DLGAP2: variants seen among roughly 807,000 people sequenced by gnomAD.
DLGAP2 encodes disks large-associated protein 2.
DLGAP2 carries 26 observed loss-of-function variants against 100.3 expected under a neutral mutation model. That is an observed-to-expected ratio of 0.26 (90% CI 0.19 to 0.36). The LOEUF (loss-of-function observed/expected upper bound fraction) is 0.36. Ranked by LOEUF, DLGAP2 falls within the 10% of genes least tolerant of loss-of-function variation. The pLI is 1.00. For synonymous variants in DLGAP2, 886 were observed against 630.1 expected, an observed-to-expected ratio of 1.41 and a Z score of -6.08; for missense variants, 1,858 against 1,453.2, an observed-to-expected ratio of 1.28 and a Z score of -4.53.
chr8:1,583,039 G>C (rs1795995302), intron 6 of DLGAP2, among the ~76,000 whole-genome samples: 1 of 152,186 alleles, frequency 6.6e-6, no homozygotes, highest in Non-Finnish European at 1.5e-5. Flanking sequence ...CTGAACCAGA[G>C]CTGCAAAAGT....
chr8:1,185,733 T>TCACACA (rs77585255), intron 2 of DLGAP2, among the ~76,000 whole-genome samples: 2 of 139,234 alleles, frequency 1.4e-5, no homozygotes, highest in Admixed American at 6.8e-5. Flanking sequence ...ACACTCACAC[T>TCACACA]CACACACACA....
At chr8:758,660 C>G (rs1035833969) in intron 1 of DLGAP2, among the ~76,000 whole-genome samples, 9 of 152,102 alleles carry the variant, frequency 5.9e-5, no homozygotes, top group African/African-American at 1.9e-4. Flanking sequence ...CACCTGGGCT[C>G]AGGTGATTCT....
intron 1 of DLGAP2, among the ~76,000 whole-genome samples, chr8:746,895 G>A (rs890543913): frequency 1.3e-5 from 2 of 152,220 alleles, no homozygotes; most frequent in Admixed American, 1.3e-4. Context: ...CGAGGACGGT[G>A]CCCCTGTTAG....
At position 1,586,530 on chromosome 8, in the gene DLGAP2, C is replaced by T. The variant is rs536235236; in HGVS notation, c.1442+20636C>T. ...CCTGCCTGGGTCATCAGGAGATTCT[C>T]ACTACCCCGGGGTCTGCTGGTTAGC... On this transcript the variant is annotated intron_variant, in intron 6 of 14. Transcript: ENST00000637795. 4.2e-4 allele frequency among the ~76,000 whole-genome samples: 64 copies of T among 152,352 alleles called. 1 individual carries two copies. The highest frequency in any genetic ancestry group is 4.3e-4 in the Non-Finnish European group (29 of 68,034).
chr8:1,639,305 T>C (rs2130790708), intron 8 of DLGAP2, among the ~76,000 whole-genome samples: 1 of 152,008 alleles, frequency 6.6e-6, no homozygotes, highest in South Asian at 2.1e-4. Flanking sequence ...CCAGGAGGGA[T>C]GGGGAGGGGC....
At chr8:1,201,514 C>G (rs1033211111) in intron 2 of DLGAP2, among the ~76,000 whole-genome samples, 1 of 152,206 alleles carries the variant, frequency 6.6e-6, no homozygotes, top group Admixed American at 6.5e-5. Flanking sequence ...TGTGCTTCAG[C>G]CCAGGGAGTC....
intron 13 of DLGAP2, among the ~76,000 whole-genome samples, chr8:1,694,719 C>T (rs900760176): frequency 3.3e-5 from 5 of 152,204 alleles, no homozygotes; most frequent in Admixed American, 2.6e-4. Context: ...CCACACGGGG[C>T]ACCGAAGTTC....
intron 4 of DLGAP2, 82 bp from the exon 5 acceptor site, chr8:1,548,544 A>C: frequency 7.9e-7 from 1 of 1,270,538 alleles, no homozygotes; most frequent in Non-Finnish European, 1.0e-6. Flanking sequence ...AATGAAGTCC[A>C]CGGTGGGGGT....
chr8:1,588,218 T>C (rs367820606), intron 6 of DLGAP2, among the ~76,000 whole-genome samples: 65 of 152,186 alleles, frequency 4.3e-4, no homozygotes, highest in Non-Finnish European at 6.8e-4. Context: ...AAAAAATTCA[T>C]GCAAGGCTTT....
chr8:1,161,947 CAG>C (rs1336795421), intron 2 of DLGAP2, among the ~76,000 whole-genome samples: 9 of 152,242 alleles, frequency 5.9e-5, no homozygotes, highest in Non-Finnish European at 1.3e-4. Context: ...TGTGCCAAGT[CAG>C]GGGTGCGTCA....
intron 1 of DLGAP2, among the ~76,000 whole-genome samples, chr8:896,896 A>G (rs1354487320): frequency 6.6e-6 from 1 of 152,168 alleles, no homozygotes; most frequent in Non-Finnish European, 1.5e-5. Context: ...TGTGTTTTGA[A>G]GAGTCTTCAT....
chr8:1,073,106 G>A (rs906683624), intron 2 of DLGAP2, among the ~76,000 whole-genome samples: 2 of 152,142 alleles, frequency 1.3e-5, no homozygotes, highest in African/African-American at 2.4e-5. Context: ...AGTCAGTCTC[G>A]TAGCTGTTAT....
At chr8:1,439,456 C>T (rs1797762842) in intron 3 of DLGAP2, among the ~76,000 whole-genome samples, 1 of 152,192 alleles carries the variant, frequency 6.6e-6, no homozygotes, top group Non-Finnish European at 1.5e-5. Flanking sequence ...GCAGCAGGAC[C>T]TGCTGCCCAG....
intron 2 of DLGAP2, among the ~76,000 whole-genome samples, chr8:1,224,286 A>T (rs1475244595): frequency 1.3e-5 from 2 of 152,236 alleles, no homozygotes; most frequent in Non-Finnish European, 2.9e-5. Context: ...CAGTTCTCTC[A>T]TATAAGAGAC....
intron 8 of DLGAP2, among the ~76,000 whole-genome samples, chr8:1,650,179 C>G (rs758021778): frequency 1.3e-5 from 2 of 152,164 alleles, no homozygotes; most frequent in Non-Finnish European, 2.9e-5. Flanking sequence ...ATCAATTACA[C>G]AATCAATTGA....
chr8:910,914 C>G (rs1798472041), intron 2 of DLGAP2, among the ~76,000 whole-genome samples: 1 of 152,146 alleles, frequency 6.6e-6, no homozygotes, highest in Admixed American at 6.5e-5. Flanking sequence ...CACATTTGGG[C>G]TGAAGGCGGG....
At chr8:1,376,223 G>A (rs1369113421) in intron 3 of DLGAP2, among the ~76,000 whole-genome samples, 1 of 152,236 alleles carries the variant, frequency 6.6e-6, no homozygotes, top group Non-Finnish European at 1.5e-5. Context: ...AGTCCTTGAA[G>A]CCCAGCTGTG....
At chr8:1,260,927 G>A (rs1448064339) in intron 3 of DLGAP2, among the ~76,000 whole-genome samples, 1 of 152,180 alleles carries the variant, frequency 6.6e-6, no homozygotes, top group Non-Finnish European at 1.5e-5. Context: ...GCGTGGTCCT[G>A]GACAATCCCA....
Position 1,495,154 on chromosome 8 carries a change from T to C in DLGAP2, c.107-6212T>C, listed in dbSNP as rs1799507040. Among the ~76,000 whole-genome samples, 3 of 152,168 alleles carry C rather than the reference T, an allele frequency of 2.0e-5. No homozygotes were observed. In the South Asian group the frequency reaches 6.2e-4, roughly 32 times the overall value. On this transcript the variant is annotated intron_variant, in intron 3 of 14. Coordinates refer to ENST00000637795, the MANE Select transcript of DLGAP2 (RefSeq NM_001346810.2). ...AGACGGGGGCCAGCGTCAAGGTCAA[T>C]GGAGTCCTGTGGGTTCATCGTGTCG...
Sources: gnomAD v4.1 joint callset for allele counts (sites outside exome capture counted in the v4.1 genomes callset) on GRCh38, gnomAD v4.1.1 for gene constraint, MANE v1.5 for transcripts, NCBI Gene and HGNC (gene_info 2026-07-23, HGNC 2026-07-21) for gene names.